The following ZBTB7C variants were observed in gnomAD, a reference collection of about 807,000 sequenced individuals.
ZBTB7C encodes zinc finger and BTB domain containing 7C.
A neutral mutation model predicts 25.7 loss-of-function variants in ZBTB7C; 8 were observed. The observed-to-expected ratio is 0.31, with a 90% CI of 0.18 to 0.56. The LOEUF (loss-of-function observed/expected upper bound fraction) is 0.56. Ranked by LOEUF, ZBTB7C falls within the 20% of genes least tolerant of loss-of-function variation. ZBTB7C has a pLI of 0.91. For synonymous variants in ZBTB7C, 394 were observed against 369.0 expected (o/e 1.07, Z -0.78); for missense variants, 824 against 855.2 (o/e 0.96, Z 0.46).
intron 2 of ZBTB7C, among the ~76,000 whole-genome samples, chr18:48,294,110 C>A (rs1188111004): frequency 1.3e-5 from 2 of 152,240 alleles, no homozygotes; most frequent in Non-Finnish European, 2.9e-5. Flanking sequence ...TGGCGTGGTT[C>A]AGCATGCACC....
At chr18:48,166,036 A>G (rs2041233579) in intron 3 of ZBTB7C, among the ~76,000 whole-genome samples, 1 of 152,160 alleles carries the variant, frequency 6.6e-6, no homozygotes, top group African/African-American at 2.4e-5. Flanking sequence ...TTACTTCTTC[A>G]TAGGAGAATA....
At chr18:48,262,695 A>G (rs1044749500) in intron 2 of ZBTB7C, among the ~76,000 whole-genome samples, 1 of 152,146 alleles carries the variant, frequency 6.6e-6, no homozygotes, top group Non-Finnish European at 1.5e-5. Flanking sequence ...ACATTAACAC[A>G]CAACCACTAA....
chr18:48,065,846 C>T (rs1489530772), intron 3 of ZBTB7C, among the ~76,000 whole-genome samples: 4 of 152,182 alleles, frequency 2.6e-5, no homozygotes, highest in Admixed American at 2.6e-4. Flanking sequence ...AGGATGCCTG[C>T]TTTCTCTGAA....
chr18:48,343,274 G>A (rs2046647003), intron 1 of ZBTB7C, among the ~76,000 whole-genome samples: 1 of 152,064 alleles, frequency 6.6e-6, no homozygotes, highest in African/African-American at 2.4e-5. Context: ...AGGTATTCTA[G>A]TCCTAGCATT....
At chr18:48,282,413 T>C (rs532496332) in intron 2 of ZBTB7C, among the ~76,000 whole-genome samples, 72 of 151,660 alleles carry the variant, frequency 4.7e-4, no homozygotes, top group African/African-American at 1.7e-3. Flanking sequence ...TATACATATG[T>C]AACTAACCTG....
At chr18:48,215,391 T>C (rs1423910088) in intron 2 of ZBTB7C, among the ~76,000 whole-genome samples, 1 of 152,120 alleles carries the variant, frequency 6.6e-6, no homozygotes, top group Non-Finnish European at 1.5e-5. Context: ...GCCAAGGTGG[T>C]TGGGTTACAG....
chr18:48,191,073 A>G (rs551606108), intron 2 of ZBTB7C, among the ~76,000 whole-genome samples: 3 of 152,318 alleles, frequency 2.0e-5, no homozygotes, highest in Non-Finnish European at 4.4e-5. Flanking sequence ...TGAGCACACT[A>G]AAGACAAGAG....
intron 2 of ZBTB7C, among the ~76,000 whole-genome samples, chr18:48,201,375 G>T (rs2042442292): frequency 6.6e-6 from 1 of 152,186 alleles, no homozygotes; most frequent in Non-Finnish European, 1.5e-5. Flanking sequence ...TAGGCCCCAG[G>T]AGGGGATTCT....
chr18:48,206,122 T>C (rs374048145), intron 2 of ZBTB7C, among the ~76,000 whole-genome samples: 10 of 152,206 alleles, frequency 6.6e-5, no homozygotes, highest in African/African-American at 2.2e-4. Context: ...GAAATGCAAA[T>C]GACCTATAAT....
intron 2 of ZBTB7C, among the ~76,000 whole-genome samples, chr18:48,234,864 GA>G (rs1251653819): frequency 6.6e-6 from 1 of 152,030 alleles, no homozygotes; most frequent in Non-Finnish European, 1.5e-5. Flanking sequence ...TGTGTATTTC[GA>G]AACTAAGTGC....
chr18:48,105,470 T>C (rs1040185525), intron 3 of ZBTB7C, among the ~76,000 whole-genome samples: 1 of 152,136 alleles, frequency 6.6e-6, no homozygotes, highest in African/African-American at 2.4e-5. Context: ...ACATTTATCA[T>C]CCATGGCCCT....
chr18:48,386,381 G>A (rs16949162), intron 1 of ZBTB7C, among the ~76,000 whole-genome samples: 7,486 of 152,290 alleles, frequency 0.049, 212 homozygotes, highest in African/African-American at 0.059. Context: ...AGGTGAACTC[G>A]GATGCTAAGC....
In ZBTB7C at chr18:48,029,377, G is replaced by A. The variant is rs186779400; in HGVS notation, c.1743C>T (p.Asn581=). The stretch of plus-strand genomic sequence containing the variant: ...GGAAGTAGGGCCGCGCCGCCGCCAC[G>A]TTCTCGGCCAGCGCGAAGGCCAGGA... ...GGLLAFALAE[N]VAAARPYFPL... The change falls in exon 5 of 5, where the codon AAC becomes AAT. Residue 581 remains asparagine, a synonymous_variant. Coordinates refer to ENST00000590800, the MANE Select transcript of ZBTB7C (RefSeq NM_001318841.2). 2.0e-3 allele frequency: 3,133 copies of A among 1,555,300 alleles called. 5 individuals carry two copies. The highest frequency in any genetic ancestry group is 3.6e-3 in the Admixed American group (198 of 54,822).
At chr18:48,350,527 A>G (rs2046840770) in intron 1 of ZBTB7C, 1 of 152,238 alleles carries the variant, frequency 6.6e-6, no homozygotes, top group African/African-American at 2.4e-5. Flanking sequence ...CCTGTGTCAC[A>G]TAAGGCAACA....
intron 2 of ZBTB7C, among the ~76,000 whole-genome samples, chr18:48,304,841 CA>C (rs35398428): frequency 1.5e-3 from 139 of 90,324 alleles, no homozygotes; most frequent in Admixed American, 2.2e-3. Context: ...GGCTCTACCT[CA>C]AAAAAAAAAA....
At chr18:48,101,588 C>T (rs1015471805) in intron 3 of ZBTB7C, among the ~76,000 whole-genome samples, 3 of 152,130 alleles carry the variant, frequency 2.0e-5, no homozygotes, top group Admixed American at 6.5e-5. Flanking sequence ...CACACTGTGC[C>T]AGGCACTGTT....
chr18:48,369,128 C>A (rs1190862727), intron 1 of ZBTB7C, among the ~76,000 whole-genome samples: 1 of 151,956 alleles, frequency 6.6e-6, no homozygotes, highest in Non-Finnish European at 1.5e-5. Flanking sequence ...GTATGTAGAA[C>A]AAACATTTAA....
rs867370585 is a variant in ZBTB7C, at chr18:48,182,809, C to T, written c.-17+3125G>A. ...AACAGAATACACAATATGCAAATGACATCAGATAATAAATGCAGGGAGACC... is the reference window on the plus strand; with the variant it reads ...AACAGAATACACAATATGCAAATGATATCAGATAATAAATGCAGGGAGACC... On this transcript the variant is annotated intron_variant, in intron 3 of 4. Transcript: ENST00000590800. 2.6e-5 allele frequency among the ~76,000 whole-genome samples: 4 copies of T among 152,182 alleles called. No homozygotes were observed. In the South Asian group the frequency reaches 8.3e-4, roughly 31 times the overall value.
At chr18:48,190,845 G>C (rs1460055515) in intron 2 of ZBTB7C, among the ~76,000 whole-genome samples, 5 of 152,122 alleles carry the variant, frequency 3.3e-5, no homozygotes, top group African/African-American at 9.7e-5. Flanking sequence ...GAGAGGCCTT[G>C]AAAGTTGAGG....
Sources: allele counts gnomAD v4.1 joint callset (sites outside exome capture counted in the v4.1 genomes callset), GRCh38; gene constraint gnomAD v4.1.1; transcripts MANE v1.5; gene names NCBI Gene and HGNC (gene_info 2026-07-23, HGNC 2026-07-21).